DLG2: variants seen among roughly 807,000 people sequenced by gnomAD.
The protein encoded by DLG2 is disks large homolog 2.
In DLG2, 45 loss-of-function variants were observed where a neutral mutation model predicts 132.5. The ratio of observed to expected loss-of-function variants is 0.34; its 90% CI spans 0.27 to 0.44. DLG2 has a LOEUF of 0.44. Ranked by LOEUF, DLG2 falls within the 20% of genes least tolerant of loss-of-function variation. The pLI is 1.00. For synonymous variants in DLG2, 424 were observed against 419.6 expected (o/e 1.01, Z -0.13); for missense variants, 1,045 against 1,196.9 (o/e 0.87, Z 1.87).
intron 6 of DLG2, among the ~76,000 whole-genome samples, chr11:85,061,483 G>C (rs985785296): frequency 2.6e-5 from 4 of 151,878 alleles, no homozygotes; most frequent in South Asian, 2.1e-4. Context: ...GCTTCTGAAG[G>C]CATATCCCTC....
At chr11:83,988,250 G>T (rs2154180420) in intron 11 of DLG2, among the ~76,000 whole-genome samples, 1 of 152,112 alleles carries the variant, frequency 6.6e-6, no homozygotes, top group Non-Finnish European at 1.5e-5. Flanking sequence ...TTTCTTCTAG[G>T]TTTATTATAG....
At chr11:85,382,734 A>G (rs1044963779) in intron 3 of DLG2, among the ~76,000 whole-genome samples, 2 of 152,212 alleles carry the variant, frequency 1.3e-5, no homozygotes, top group Non-Finnish European at 2.9e-5. Flanking sequence ...AAGCACATGA[A>G]AAGATGTTCA....
chr11:84,331,938 A>G (rs192018778), intron 7 of DLG2, among the ~76,000 whole-genome samples: 43 of 152,318 alleles, frequency 2.8e-4, no homozygotes, highest in Admixed American at 2.2e-3. Flanking sequence ...ACTGACACTG[A>G]AAAACACATC....
intron 3 of DLG2, among the ~76,000 whole-genome samples, chr11:85,523,172 G>A (rs575214872): frequency 1.3e-5 from 2 of 152,290 alleles, no homozygotes; most frequent in South Asian, 2.1e-4. Flanking sequence ...GTTCTCACAA[G>A]ATCTGATGGT....
intron 20 of DLG2, among the ~76,000 whole-genome samples, chr11:83,538,318 T>G: frequency 6.6e-6 from 1 of 152,194 alleles, no homozygotes; most frequent in East Asian, 1.9e-4. Flanking sequence ...CATTTTTCTC[T>G]CTTAAAAGAC....
At chr11:83,623,822 A>G (rs556197400) in intron 19 of DLG2, among the ~76,000 whole-genome samples, 3 of 152,298 alleles carry the variant, frequency 2.0e-5, no homozygotes, top group Admixed American at 1.3e-4. Context: ...GCAGTTGGGC[A>G]GGGGGAAGAG....
intron 6 of DLG2, among the ~76,000 whole-genome samples, chr11:84,831,529 T>C (rs2079053836): frequency 1.3e-5 from 2 of 151,648 alleles, no homozygotes; most frequent in Admixed American, 6.6e-5. Flanking sequence ...AAGTCACGAA[T>C]ATAAACTGAC....
In DLG2 at chr11:83,746,685, C is replaced by A. The variant is rs537478282; in HGVS notation, c.1825+40005G>T. Among the ~76,000 whole-genome samples, 516 of 152,148 alleles carry A rather than the reference C, an allele frequency of 3.4e-3. 1 individual carries two copies. Among genetic ancestry groups the A allele is most frequent in the African/African-American group, 8.0e-3 (332 of 41,500 alleles). ...GGCACATGTATACATATGTAACAAA[C>A]CTGCACGTTGTGCACATGTACCCTA... On this transcript the variant is annotated intron_variant, in intron 18 of 27. Transcript: ENST00000376104.
intron 5 of DLG2, among the ~76,000 whole-genome samples, chr11:85,135,973 C>T (rs1036416034): frequency 1.3e-5 from 2 of 152,014 alleles, no homozygotes; most frequent in Non-Finnish European, 1.5e-5. Context: ...GGGCCTTGAG[C>T]TAAGATGAGG....
At chr11:84,971,802 G>C (rs2054136919) in intron 6 of DLG2, among the ~76,000 whole-genome samples, 1 of 151,880 alleles carries the variant, frequency 6.6e-6, no homozygotes, top group Admixed American at 6.6e-5. Context: ...TTTTTCTGTT[G>C]TACTGAATAA....
At chr11:84,309,272 G>A (rs2098264074) in intron 7 of DLG2, among the ~76,000 whole-genome samples, 1 of 152,084 alleles carries the variant, frequency 6.6e-6, no homozygotes, top group Admixed American at 6.6e-5. Flanking sequence ...GGGAATCACT[G>A]GTCTAAATTC....
intron 7 of DLG2, among the ~76,000 whole-genome samples, chr11:84,313,183 T>C (rs1412712207): frequency 1.3e-5 from 2 of 151,688 alleles, no homozygotes; most frequent in Non-Finnish European, 2.9e-5. Context: ...TGTCACCACT[T>C]TGACTCACTG....
At chr11:84,533,901 C>A (rs1591744590) in intron 7 of DLG2, among the ~76,000 whole-genome samples, 1 of 63,628 alleles carries the variant, frequency 1.6e-5, no homozygotes, top group African/African-American at 6.1e-5. Context: ...AGCGCCAGTT[C>A]AGCCAAAAAA....
intron 3 of DLG2, among the ~76,000 whole-genome samples, chr11:85,431,275 A>G (rs541522855): frequency 1.6e-4 from 24 of 152,224 alleles, no homozygotes; most frequent in South Asian, 8.3e-4. Context: ...AGGAAGGAAG[A>G]CCAGTGTGGT....
chr11:85,286,013 C>A, intron 3 of DLG2: 6 of 349,270 alleles, frequency 1.7e-5, no homozygotes, highest in Non-Finnish European at 2.2e-5. Context: ...AGATGAAATG[C>A]AGACTGTTAC....
intron 7 of DLG2, among the ~76,000 whole-genome samples, chr11:84,369,726 G>C (rs1225120162): frequency 1.3e-5 from 2 of 152,082 alleles, no homozygotes; most frequent in African/African-American, 4.8e-5. Flanking sequence ...ATTGCTGGTT[G>C]GAACTGCTGT....
At chr11:84,361,219 T>C (rs2098648130) in intron 7 of DLG2, among the ~76,000 whole-genome samples, 2 of 151,884 alleles carry the variant, frequency 1.3e-5, no homozygotes, top group Non-Finnish European at 2.9e-5. Context: ...TTGATAACTA[T>C]AAATTCACAG....
chr11:83,612,386 A>T (rs1232171001), intron 19 of DLG2, among the ~76,000 whole-genome samples: 1 of 152,264 alleles, frequency 6.6e-6, no homozygotes, highest in African/African-American at 2.4e-5. Flanking sequence ...AAATGAGAAA[A>T]TGCCTAAAAC....
At chr11:85,057,659 C>T (rs1211517320) in intron 6 of DLG2, among the ~76,000 whole-genome samples, 2 of 151,376 alleles carry the variant, frequency 1.3e-5, no homozygotes, top group Non-Finnish European at 3.0e-5. Flanking sequence ...TCTTTTAAGG[C>T]CAGCGTATTT....
Sources: gnomAD v4.1 joint callset for allele counts (sites outside exome capture counted in the v4.1 genomes callset) on GRCh38, gnomAD v4.1.1 for gene constraint, MANE v1.5 for transcripts, NCBI Gene and HGNC (gene_info 2026-07-23, HGNC 2026-07-21) for gene names.